Variants in CCBE1 observed in about 807,000 individuals in gnomAD.
The protein encoded by CCBE1 is collagen and calcium-binding EGF domain-containing protein 1.
In CCBE1, 37 loss-of-function variants were observed where a neutral mutation model predicts 50.0. The observed-to-expected ratio is 0.74, with a 90% CI of 0.57 to 0.97. CCBE1 has a LOEUF of 0.97. CCBE1 is among the 50% of genes least tolerant of loss of function. The pLI, the probability that CCBE1 is intolerant of heterozygous loss-of-function variation, is 0.00. For synonymous variants in CCBE1, 234 were observed against 203.7 expected, an observed-to-expected ratio of 1.15 and a Z score of -1.27; for missense variants, 538 against 523.8, an observed-to-expected ratio of 1.03 and a Z score of -0.26.
intron 2 of CCBE1, among the ~76,000 whole-genome samples, chr18:59,549,026 C>T (rs1915816601): frequency 6.8e-6 from 1 of 147,258 alleles, no homozygotes; most frequent in Non-Finnish European, 1.5e-5. Flanking sequence ...TCACTTGAAC[C>T]TGGGAGGCAG....
At chr18:59,507,914 T>C (rs1185547833) in intron 2 of CCBE1, among the ~76,000 whole-genome samples, 2 of 149,212 alleles carry the variant, frequency 1.3e-5, no homozygotes, top group Non-Finnish European at 3.0e-5. Context: ...TTTTTTGAGA[T>C]GGCATCTCCC....
chr18:59,555,292 G>A (rs528397998), intron 2 of CCBE1, among the ~76,000 whole-genome samples: 77 of 152,314 alleles, frequency 5.1e-4, no homozygotes, highest in Non-Finnish European at 1.0e-3. Context: ...TCTCTTGGGA[G>A]GGAAGGAGTT....
intron 2 of CCBE1, among the ~76,000 whole-genome samples, chr18:59,691,382 T>C (rs1217231157): frequency 3.5e-5 from 5 of 144,608 alleles, no homozygotes; most frequent in Non-Finnish European, 7.6e-5. Context: ...TAGCCCCTGC[T>C]CTCTTCTTCA....
intron 2 of CCBE1, among the ~76,000 whole-genome samples, chr18:59,686,878 G>A (rs1362101839): frequency 6.6e-6 from 1 of 152,220 alleles, no homozygotes; most frequent in Non-Finnish European, 1.5e-5. Flanking sequence ...ATAAAAGCCT[G>A]TTGATATTAC....
At chr18:59,696,346 C>A in intron 2 of CCBE1, 1 of 651,382 alleles carries the variant, frequency 1.5e-6, no homozygotes, top group Non-Finnish European at 2.4e-6. Flanking sequence ...AAAATCCAAT[C>A]CAATCTCCTT....
At chr18:59,449,539 T>C (rs1416800313) in intron 6 of CCBE1, among the ~76,000 whole-genome samples, 2 of 151,276 alleles carry the variant, frequency 1.3e-5, no homozygotes, top group Non-Finnish European at 2.9e-5. Context: ...GGAGAACTGC[T>C]TGGACCCAGG....
At chr18:59,632,606 T>C (rs2144629091) in intron 2 of CCBE1, among the ~76,000 whole-genome samples, 1 of 151,880 alleles carries the variant, frequency 6.6e-6, no homozygotes, top group Middle Eastern at 3.4e-3. Flanking sequence ...TTTTTGTTTT[T>C]GAGATGGAGT....
intron 5 of CCBE1, chr18:59,465,295 A>G (rs72958198): frequency 0.091 from 13,878 of 152,278 alleles, 741 homozygotes; most frequent in Middle Eastern, 0.16. Context: ...CATTGCCTGG[A>G]GCATTGATAT....
chr18:59,666,687 C>T (rs2054361686), intron 2 of CCBE1, among the ~76,000 whole-genome samples: 1 of 152,092 alleles, frequency 6.6e-6, no homozygotes, highest in Non-Finnish European at 1.5e-5. Flanking sequence ...TACAAGGAGA[C>T]TGGGCGTGGT....
At chr18:59,555,931 TCA>T (rs1357799689) in intron 2 of CCBE1, among the ~76,000 whole-genome samples, 1 of 152,212 alleles carries the variant, frequency 6.6e-6, no homozygotes, top group Non-Finnish European at 1.5e-5. Flanking sequence ...ATTGGGGGTG[TCA>T]CAGAAAGTGC....
chr18:59,524,296 G>A (rs1914727012), intron 2 of CCBE1, among the ~76,000 whole-genome samples: 1 of 152,026 alleles, frequency 6.6e-6, no homozygotes, highest in South Asian at 2.1e-4. Context: ...CTACAGCCTG[G>A]GTAACAGAGC....
At chr18:59,608,964 C>G (rs2053536334) in intron 2 of CCBE1, among the ~76,000 whole-genome samples, 1 of 152,216 alleles carries the variant, frequency 6.6e-6, no homozygotes, top group African/African-American at 2.4e-5. Flanking sequence ...ACTTACACAG[C>G]TCTCCTGAAG....
At chr18:59,693,884 TTTTTTTG>T in intron 2 of CCBE1, among the ~76,000 whole-genome samples, 1 of 141,126 alleles carries the variant, frequency 7.1e-6, no homozygotes, top group African/African-American at 2.7e-5. Context: ...TTTTTTTTTT[TTTTTTTG>T]AGACAGAGTC....
At position 59,435,768 on chromosome 18, in the gene CCBE1, G is replaced by A. The variant is rs1360661900; in HGVS notation, c.*140C>T. 6.2e-6 allele frequency: 5 copies of A among 802,084 alleles called. No individual in the cohort carries two copies. The highest frequency in any genetic ancestry group is 1.7e-5 in the African/African-American group (1 of 58,716). The allele number at this position is 802,084 out of a possible 1,614,324, so 49.7% of individuals were successfully genotyped here. ...GAAAATAGCATCGTATTTGGAAGAA[G>A]AGGAGTGGAGAGACGTCAGGAGAAG... On this transcript the variant is annotated 3_prime_UTR_variant, in exon 11 of 11. Coordinates refer to ENST00000439986, the MANE Select transcript of CCBE1 (RefSeq NM_133459.4).
chr18:59,571,848 A>T (rs1246823474), intron 2 of CCBE1, among the ~76,000 whole-genome samples: 1 of 152,222 alleles, frequency 6.6e-6, no homozygotes. Context: ...CTCACCCAAG[A>T]CCTACTGAAT....
rs1909965684 is a variant in CCBE1 at position 59,432,113 on chromosome 18, CT to C, written c.*3794del. On this transcript the variant is annotated 3_prime_UTR_variant, in exon 11 of 11. Coordinates refer to ENST00000439986, the MANE Select transcript of CCBE1 (RefSeq NM_133459.4). Reference sequence around the variant, plus strand: ...AGACTACAGGCGTGCACCACCACGCCTGGCTAATTTTTTTTTTTATTTATTT... The same window carrying C: ...AGACTACAGGCGTGCACCACCACGCCGGCTAATTTTTTTTTTTATTTATTT... 6.6e-6 allele frequency: 1 copy of C among 152,116 alleles called. No homozygotes were observed. Among genetic ancestry groups the C allele is most frequent in the African/African-American group, 2.4e-5 (1 of 41,402 alleles). The allele number at this position is 152,116 out of a possible 1,614,324, so 9.4% of individuals were successfully genotyped here.
At chr18:59,591,618 T>C (rs1235867170) in intron 2 of CCBE1, among the ~76,000 whole-genome samples, 1 of 152,122 alleles carries the variant, frequency 6.6e-6, no homozygotes, top group Non-Finnish European at 1.5e-5. Flanking sequence ...AGTCTACCCA[T>C]AAGAAGACTG....
At chr18:59,619,270 G>A (rs2144601436) in intron 2 of CCBE1, among the ~76,000 whole-genome samples, 1 of 152,238 alleles carries the variant, frequency 6.6e-6, no homozygotes, top group East Asian at 1.9e-4. Context: ...AAATATTTAT[G>A]TTTTCCAAAT....
At position 59,588,103 on chromosome 18, in the gene CCBE1, A is replaced by T. The variant is rs75887078; in HGVS notation, c.213-107865T>A. ...TAATAGATTGTTTTAGCAGAATTTG[A>T]TGCTAAAATTTACATAGCTCAAAGG... On this transcript the variant is annotated intron_variant, in intron 2 of 10. Coordinates refer to ENST00000439986, the MANE Select transcript of CCBE1 (RefSeq NM_133459.4). Among the ~76,000 whole-genome samples the T allele has an allele frequency of 2.3e-4, 35 of 152,354 alleles. 1 individual carries two copies. In the East Asian group the frequency reaches 6.2e-3, roughly 27 times the overall value.
Sources: allele counts gnomAD v4.1 joint callset (sites outside exome capture counted in the v4.1 genomes callset), GRCh38; gene constraint gnomAD v4.1.1; transcripts MANE v1.5; gene names NCBI Gene and HGNC (gene_info 2026-07-23, HGNC 2026-07-21).